The following ZNG1B variants were observed in gnomAD, a reference collection of about 807,000 sequenced individuals.
ZNG1B encodes the protein zinc-regulated GTPase metalloprotein activator 1B.
the ZNG1B span, chr2:113,441,261 A>G: frequency 7.1e-7 from 1 of 1,399,446 alleles, no homozygotes. Context: ...ATAGCACGCA[A>G]ATTCTCAAAA....
At chr2:113,465,338 T>C in the ZNG1B span, 3 of 464,294 alleles carry the variant, frequency 6.5e-6, no homozygotes, top group Non-Finnish European at 3.9e-6. Context: ...ATAAGTTAGT[T>C]TGGCATATTT....
the ZNG1B span, chr2:113,470,979 T>C: frequency 1.1e-5 from 17 of 1,584,014 alleles, no homozygotes; most frequent in Non-Finnish European, 1.4e-5. Flanking sequence ...TCTTGATTAA[T>C]TGGATGTATT....
At chr2:113,461,220 CAT>C in the ZNG1B span, among the ~76,000 whole-genome samples, 1 of 150,636 alleles carries the variant, frequency 6.6e-6, no homozygotes, top group East Asian at 1.9e-4. Flanking sequence ...CTAATTTTTG[CAT>C]TTTTTTTTAA....
the ZNG1B span, among the ~76,000 whole-genome samples, chr2:113,450,252 A>T: frequency 7.1e-6 from 1 of 141,660 alleles, no homozygotes; most frequent in African/African-American, 2.6e-5. Flanking sequence ...AAATTATTAG[A>T]TCCTCTACTT....
the ZNG1B span, among the ~76,000 whole-genome samples, chr2:113,487,538 G>A: frequency 5.3e-5 from 8 of 151,074 alleles, no homozygotes; most frequent in African/African-American, 9.8e-5. Flanking sequence ...CCCAATTTTC[G>A]TCTCCCTCTA....
At chr2:113,476,541 G>A in the ZNG1B span, among the ~76,000 whole-genome samples, 12 of 148,746 alleles carry the variant, frequency 8.1e-5, no homozygotes, top group East Asian at 1.2e-3. Flanking sequence ...GAGGAGCTGC[G>A]TTCCTTCGGA....
chr2:113,438,582 A>C, the ZNG1B span, among the ~76,000 whole-genome samples: 4 of 151,868 alleles, frequency 2.6e-5, no homozygotes, highest in African/African-American at 7.3e-5. Context: ...TAAGAATAAA[A>C]TCTCTGTCCT....
At chr2:113,455,645 T>A in the ZNG1B span, 1 of 1,286,908 alleles carries the variant, frequency 7.8e-7, no homozygotes, top group South Asian at 1.2e-5. Flanking sequence ...CCCAAAGCAG[T>A]AATTTCTTAG....
At chr2:113,461,448 G>A in the ZNG1B span, among the ~76,000 whole-genome samples, 2 of 151,788 alleles carry the variant, frequency 1.3e-5, no homozygotes, top group African/African-American at 4.8e-5. Flanking sequence ...ATATAAATAA[G>A]CCAAATAGAA....
chr2:113,450,391 T>C, the ZNG1B span, among the ~76,000 whole-genome samples: 2 of 149,596 alleles, frequency 1.3e-5, no homozygotes, highest in African/African-American at 5.0e-5. Flanking sequence ...AATAATTCTG[T>C]TTTCTCCAGT....
At chr2:113,482,189 A>T in the ZNG1B span, 1 of 1,339,292 alleles carries the variant, frequency 7.5e-7, no homozygotes, top group Admixed American at 2.2e-5. Context: ...TGCAGAAAAA[A>T]CTTCAGCATG....
At chr2:113,453,299 A>G in the ZNG1B span, 4 of 1,551,726 alleles carry the variant, frequency 2.6e-6, no homozygotes, top group South Asian at 2.4e-5. Flanking sequence ...ACTGGAGTGC[A>G]TGGAGTGCAG....
chr2:113,474,356 C>G, the ZNG1B span, among the ~76,000 whole-genome samples: 2 of 147,906 alleles, frequency 1.4e-5, no homozygotes, highest in Non-Finnish European at 3.0e-5. Context: ...TTTTTTATTG[C>G]GTCTATTTGA....
the ZNG1B span, among the ~76,000 whole-genome samples, chr2:113,454,241 T>C: frequency 6.6e-6 from 1 of 152,202 alleles, no homozygotes; most frequent in East Asian, 1.9e-4. Context: ...GCATATGTTA[T>C]GTAAAACATT....
the ZNG1B span, chr2:113,437,876 C>T: frequency 2.5e-5 from 41 of 1,611,700 alleles, no homozygotes; most frequent in Non-Finnish European, 3.4e-5. Flanking sequence ...GGAATGTTAC[C>T]GGCTGTTGGA....
chr2:113,462,302 C>T, the ZNG1B span: 20 of 1,191,370 alleles, frequency 1.7e-5, no homozygotes, highest in East Asian at 2.1e-4. Flanking sequence ...CTACATGAGG[C>T]GTTTTTATTT....
the ZNG1B span, chr2:113,444,128 C>A: frequency 1.2e-5 from 5 of 424,586 alleles, no homozygotes; most frequent in Admixed American, 4.3e-5. Flanking sequence ...GCATGAAAGT[C>A]TCATATGTAA....
the ZNG1B span, among the ~76,000 whole-genome samples, chr2:113,490,309 A>G: frequency 6.6e-6 from 1 of 152,170 alleles, no homozygotes; most frequent in Non-Finnish European, 1.5e-5. Context: ...CTCAAACTGA[A>G]TGACAATAGT....
the ZNG1B span, among the ~76,000 whole-genome samples, chr2:113,472,667 G>T: frequency 2.6e-5 from 4 of 151,924 alleles, no homozygotes; most frequent in Non-Finnish European, 5.9e-5. Context: ...TTTGTATAAG[G>T]TGTAAGGAAG....
Sources: gnomAD v4.1 joint callset for allele counts (sites outside exome capture counted in the v4.1 genomes callset) on GRCh38, gnomAD v4.1.1 for gene constraint, MANE v1.5 for transcripts, NCBI Gene and HGNC (gene_info 2026-07-23, HGNC 2026-07-21) for gene names.